The following NRG3 variants were observed in gnomAD, a reference collection of about 807,000 sequenced individuals.
NRG3 encodes neuregulin 3.
A neutral mutation model predicts 66.9 loss-of-function variants in NRG3; 31 were observed. That is an observed-to-expected ratio of 0.46 (90% CI 0.35 to 0.63). The LOEUF is 0.63. NRG3 is among the 20% of genes least tolerant of loss of function. NRG3 has a pLI of 0.00. For synonymous variants in NRG3, 393 were observed against 359.4 expected, an observed-to-expected ratio of 1.09 and a Z score of -1.06; for missense variants, 910 against 878.9, an observed-to-expected ratio of 1.04 and a Z score of -0.45.
chr10:82,979,705 C>T (rs973967248), intron 8 of NRG3, among the ~76,000 whole-genome samples: 13 of 152,102 alleles, frequency 8.5e-5, no homozygotes, highest in African/African-American at 3.1e-4. Context: ...CTCTGGTGGA[C>T]ACAGATCCAT....
At chr10:82,086,850 T>A (rs2065758049) in intron 1 of NRG3, among the ~76,000 whole-genome samples, 1 of 152,154 alleles carries the variant, frequency 6.6e-6, no homozygotes, top group Non-Finnish European at 1.5e-5. Context: ...TTTGGTGTTA[T>A]CATTGCCTTC....
chr10:82,362,548 G>GTTTTTTTTTTTTTTTTTTTTTTTTT lies in NRG3; in HGVS notation c.953+3701_953+3702insTTTTTTTTTTTTTTTTTTTTTTTTT, dbSNP rs10694679. Among the ~76,000 whole-genome samples, 11 of 83,200 alleles carry GTTTTTTTTTTTTTTTTTTTTTTTTT rather than the reference G, an allele frequency of 1.3e-4. 3 individuals are homozygous for GTTTTTTTTTTTTTTTTTTTTTTTTT. The highest frequency in any genetic ancestry group is 5.0e-4 in the African/African-American group (10 of 20,188). 54.6% of individuals were successfully genotyped at this position (83,200 alleles called of 152,430 possible). On this transcript the variant is annotated intron_variant, in intron 2 of 8. Transcript: ENST00000372141. Reference sequence around the variant, plus strand: ...ACCACCATGCCCAGATAATTTCTGGGTTTTTTTTTTTTTTTTTTTTTCGTA... The same window carrying GTTTTTTTTTTTTTTTTTTTTTTTTT: ...ACCACCATGCCCAGATAATTTCTGGGTTTTTTTTTTTTTTTTTTTTTTTTTTTTTTTTTTTTTTTTTTTTTTCGTA...
chr10:82,057,338 A>T (rs1420625705), intron 1 of NRG3, among the ~76,000 whole-genome samples: 2 of 151,922 alleles, frequency 1.3e-5, no homozygotes, highest in Non-Finnish European at 2.9e-5. Flanking sequence ...TTATTTATTT[A>T]AACATGTTAC....
At chr10:82,892,885 A>G (rs972930750) in intron 4 of NRG3, among the ~76,000 whole-genome samples, 2 of 152,016 alleles carry the variant, frequency 1.3e-5, no homozygotes. Context: ...AACTAGGAAG[A>G]TAAAAAATTG....
At chr10:82,248,201 C>G (rs905510841) in intron 1 of NRG3, among the ~76,000 whole-genome samples, 3 of 152,188 alleles carry the variant, frequency 2.0e-5, no homozygotes, top group Admixed American at 6.5e-5. Flanking sequence ...AAATTCTAAT[C>G]TGCTTTGACT....
At chr10:82,019,506 G>A (rs1277738834) in intron 1 of NRG3, among the ~76,000 whole-genome samples, 4 of 152,152 alleles carry the variant, frequency 2.6e-5, no homozygotes, top group Non-Finnish European at 5.9e-5. Context: ...AGTTTCAGAA[G>A]GAATGGTACC....
At chr10:82,885,700 T>C (rs918861033) in intron 4 of NRG3, among the ~76,000 whole-genome samples, 1 of 152,178 alleles carries the variant, frequency 6.6e-6, no homozygotes, top group Non-Finnish European at 1.5e-5. Context: ...TAGGCCATCT[T>C]TGGGGGAAAG....
chr10:82,857,913 G>A (rs112644004), intron 3 of NRG3, among the ~76,000 whole-genome samples: 1 of 152,146 alleles, frequency 6.6e-6, no homozygotes, highest in East Asian at 1.9e-4. Context: ...AGGATGAAGT[G>A]ATAATATCCC....
At chr10:82,710,902 C>T (rs10885239) in intron 2 of NRG3, among the ~76,000 whole-genome samples, 34,534 of 151,898 alleles carry the variant, frequency 0.23, 4,114 homozygotes, top group Middle Eastern at 0.36. Flanking sequence ...TTTTGAACTT[C>T]GGTGACTTTT....
intron 1 of NRG3, among the ~76,000 whole-genome samples, chr10:81,952,172 C>T (rs1266027796): frequency 6.6e-6 from 1 of 152,150 alleles, no homozygotes; most frequent in Non-Finnish European, 1.5e-5. Flanking sequence ...AGCACACCAA[C>T]GTGGCACATG....
At chr10:82,023,049 C>T (rs2062132808) in intron 1 of NRG3, among the ~76,000 whole-genome samples, 1 of 151,460 alleles carries the variant, frequency 6.6e-6, no homozygotes, top group Admixed American at 6.6e-5. Flanking sequence ...GGGTTGGGAA[C>T]ATTCCTTATG....
chr10:81,889,516 A>T (rs904606672), intron 1 of NRG3: 1 of 152,204 alleles, frequency 6.6e-6, no homozygotes, highest in Non-Finnish European at 1.5e-5. Flanking sequence ...AAGAACCTTC[A>T]GATAAGAATC....
In NRG3 at chr10:81,937,287, A is replaced by G. The variant is rs137884419; in HGVS notation, c.823+61124A>G. On this transcript the variant is annotated intron_variant, in intron 1 of 8. Transcript: ENST00000372141. ...TCCTGTTTTCAGTTCTTTTGAATAT[A>G]TACTCAGGAATGGGATAGCTAGAGG... Among the ~76,000 whole-genome samples, 44 of 152,208 alleles carry G rather than the reference A, an allele frequency of 2.9e-4. No individual in the cohort carries two copies. The East Asian group carries it at 7.9e-3, about 27-fold the overall frequency.
intron 3 of NRG3, among the ~76,000 whole-genome samples, chr10:82,759,320 C>T (rs112635970): frequency 0.032 from 4,811 of 152,110 alleles, 271 homozygotes; most frequent in African/African-American, 0.11. Flanking sequence ...TAAATTAAAC[C>T]TTCCAGTCAC....
At chr10:82,290,791 G>T (rs961574712) in intron 1 of NRG3, among the ~76,000 whole-genome samples, 1 of 141,542 alleles carries the variant, frequency 7.1e-6, no homozygotes, top group Non-Finnish European at 1.5e-5. Flanking sequence ...CCACCACCAC[G>T]CCTGGCTAAT....
intron 3 of NRG3, among the ~76,000 whole-genome samples, chr10:82,787,723 A>G (rs2060427031): frequency 6.6e-6 from 1 of 152,142 alleles, no homozygotes; most frequent in African/African-American, 2.4e-5. Flanking sequence ...CTTGTTTGTT[A>G]CTGCTCTTTT....
intron 1 of NRG3, among the ~76,000 whole-genome samples, chr10:81,907,402 C>T (rs1844698615): frequency 6.6e-6 from 1 of 152,120 alleles, no homozygotes; most frequent in African/African-American, 2.4e-5. Flanking sequence ...GGCAATTTCT[C>T]TGATGGAAAC....
intron 4 of NRG3, among the ~76,000 whole-genome samples, chr10:82,884,195 C>T (rs781410191): frequency 5.9e-5 from 9 of 152,074 alleles, no homozygotes; most frequent in Non-Finnish European, 1.2e-4. Context: ...TACATAACTG[C>T]AGTTGTTTTA....
intron 4 of NRG3, among the ~76,000 whole-genome samples, chr10:82,920,173 G>A (rs755050385): frequency 3.0e-4 from 45 of 152,246 alleles, no homozygotes; most frequent in Non-Finnish European, 4.9e-4. Flanking sequence ...GGAACTGTAC[G>A]TAAGTACTGT....
Sources: allele counts gnomAD v4.1 joint callset (sites outside exome capture counted in the v4.1 genomes callset), GRCh38; gene constraint gnomAD v4.1.1; transcripts MANE v1.5; gene names NCBI Gene and HGNC (gene_info 2026-07-23, HGNC 2026-07-21).